Variants in ATP2B2 observed in about 807,000 individuals in gnomAD.
ATP2B2 encodes the protein ATPase plasma membrane Ca2+ transporting 2.
In ATP2B2, 15 loss-of-function variants were observed where a neutral mutation model predicts 120.0. The observed-to-expected ratio is 0.12, with a 90% confidence interval of 0.08 to 0.19. The LOEUF is 0.19. Ranked by LOEUF, ATP2B2 falls within the 10% of genes least tolerant of loss-of-function variation. ATP2B2 has a pLI of 1.00. For missense variants in ATP2B2, 1,045 were observed against 1,719.8 expected, an observed-to-expected ratio of 0.61 and a Z score of 6.94; for synonymous variants, 694 against 700.3, an observed-to-expected ratio of 0.99 and a Z score of 0.14.
At chr3:10,617,366 G>C (rs925595491) in intron 2 of ATP2B2, among the ~76,000 whole-genome samples, 2 of 151,708 alleles carry the variant, frequency 1.3e-5, no homozygotes, top group African/African-American at 4.8e-5. Context: ...AAAATAAAAA[G>C]AAACAAACAA....
intron 3 of ATP2B2, among the ~76,000 whole-genome samples, chr3:10,410,018 G>C (rs1447023678): frequency 6.6e-6 from 1 of 152,156 alleles, no homozygotes; most frequent in South Asian, 2.1e-4. Context: ...AAAGAACCAG[G>C]CTCTCTTAGG....
At chr3:10,484,986 C>T (rs886895827) in intron 1 of ATP2B2, among the ~76,000 whole-genome samples, 3 of 152,226 alleles carry the variant, frequency 2.0e-5, no homozygotes, top group African/African-American at 7.2e-5. Context: ...CAGTGCCTGG[C>T]ACTGACAGGC....
At chr3:10,698,166 G>A (rs755584468) in intron 1 of ATP2B2, among the ~76,000 whole-genome samples, 11 of 152,198 alleles carry the variant, frequency 7.2e-5, no homozygotes, top group Non-Finnish European at 5.9e-5. Flanking sequence ...GCATGGCCAC[G>A]TGACCCAATT....
chr3:10,536,737 A>G (rs561797648), intron 2 of ATP2B2, among the ~76,000 whole-genome samples: 11 of 152,232 alleles, frequency 7.2e-5, no homozygotes, highest in African/African-American at 2.6e-4. Flanking sequence ...TAAGTTGCCC[A>G]GGCTGGTCCT....
At chr3:10,380,144 C>T (rs2061492991) in intron 8 of ATP2B2, among the ~76,000 whole-genome samples, 2 of 152,352 alleles carry the variant, frequency 1.3e-5, no homozygotes, top group South Asian at 2.1e-4. Context: ...CCTGGTGCTG[C>T]ATCTGGCTGC....
At chr3:10,471,716 G>A (rs2065010906) in intron 1 of ATP2B2, among the ~76,000 whole-genome samples, 1 of 152,100 alleles carries the variant, frequency 6.6e-6, no homozygotes, top group Non-Finnish European at 1.5e-5. Context: ...GCCACATTGT[G>A]TGTGTCTGTA....
Position 10,676,524 on chromosome 3 carries a change from C to CCA in ATP2B2, c.-460+31389_-460+31390dup, listed in dbSNP as rs150121114. On this transcript the variant is annotated intron_variant, in intron 1 of 21. Transcript: ENST00000646379. ...GGATGGGGAGGGAGGAGGGACAGAA[C>CCA]CACACACACACACACACACACCCTT... Among the ~76,000 whole-genome samples, 677 of 149,192 alleles carry CCA rather than the reference C, an allele frequency of 4.5e-3. 4 individuals carry two copies. Among genetic ancestry groups the CCA allele is most frequent in the African/African-American group, 0.01 (424 of 40,678 alleles).
At chr3:10,410,856 G>A in intron 2 of ATP2B2, 41 bp from the exon 3 acceptor site, 1 of 1,596,386 alleles carries the variant, frequency 6.3e-7, no homozygotes, top group South Asian at 1.1e-5. Context: ...GGGCCTGGGA[G>A]AGATGCAGGC....
At position 10,544,414 on chromosome 3, in the gene ATP2B2, G is replaced by T. The variant is rs534595708; in HGVS notation, c.-414-10281C>A. On this transcript the variant is annotated intron_variant, in intron 2 of 21. Transcript: ENST00000646379. ...ATCAAACAGAGTTTAACAAATATTT[G>T]TGGGGAAGGTCATTAAAAATAGACT... 4.6e-5 allele frequency among the ~76,000 whole-genome samples: 7 copies of T among 152,316 alleles called. No homozygotes were observed. In the South Asian group the frequency reaches 1.4e-3, roughly 32 times the overall value.
chr3:10,646,774 A>T (rs1231501411), intron 1 of ATP2B2, among the ~76,000 whole-genome samples: 2 of 152,178 alleles, frequency 1.3e-5, no homozygotes, highest in African/African-American at 2.4e-5. Flanking sequence ...CCCATCAATC[A>T]TTGTGTGTTT....
chr3:10,532,805 G>C (rs1015758700), intron 3 of ATP2B2, among the ~76,000 whole-genome samples: 3 of 152,200 alleles, frequency 2.0e-5, no homozygotes, highest in African/African-American at 7.2e-5. Context: ...CCCTCCCTGA[G>C]TTGAGTCTGT....
chr3:10,542,563 G>A (rs571009427), intron 2 of ATP2B2, among the ~76,000 whole-genome samples: 7 of 152,124 alleles, frequency 4.6e-5, no homozygotes, highest in Admixed American at 4.6e-4. Flanking sequence ...TCCTTCATCT[G>A]AGAATGTCTT....
At chr3:10,458,219 C>G (rs80041632) in intron 1 of ATP2B2, among the ~76,000 whole-genome samples, 1 of 152,096 alleles carries the variant, frequency 6.6e-6, no homozygotes, top group Non-Finnish European at 1.5e-5. Context: ...GGCCCTGCCC[C>G]GGGCACTGGG....
rs538359788 is a variant in ATP2B2 at position 10,408,821 on chromosome 3, G to C, written c.397+1797C>G. Among the ~76,000 whole-genome samples the C allele has an allele frequency of 3.3e-5, 5 of 152,286 alleles. No individual in the cohort carries two copies. The South Asian group carries it at 1.0e-3, about 32-fold the overall frequency. ...CACCTGCTATCTGAGTTCTAATCTT[G>C]TACTGAATTGGGTTGCATGAGGCCA... On this transcript the variant is annotated intron_variant, in intron 3 of 22. Transcript: ENST00000360273.
Position 10,679,817 on chromosome 3 carries a change from GGTGCCT to G in ATP2B2, c.-460+28092_-460+28097del, listed in dbSNP as rs543336230. 5.0e-3 allele frequency among the ~76,000 whole-genome samples: 754 copies of G among 152,264 alleles called. 9 individuals are homozygous for G. Among genetic ancestry groups the G allele is most frequent in the African/African-American group, 0.016 (685 of 41,538 alleles). ...ATGGAAAGCTTAAAAACATACATCTGGTGCCTGTGAATGGTAAACCCAATGCAGGAT... is the reference window on the plus strand; with the variant it reads ...ATGGAAAGCTTAAAAACATACATCTGGTGAATGGTAAACCCAATGCAGGAT... On this transcript the variant is annotated intron_variant, in intron 1 of 21. Coordinates refer to the ATP2B2 transcript ENST00000646379.
At chr3:10,559,652 A>G (rs1457970369) in intron 2 of ATP2B2, among the ~76,000 whole-genome samples, 1 of 152,160 alleles carries the variant, frequency 6.6e-6, no homozygotes, top group Admixed American at 6.5e-5. Flanking sequence ...GTTTGCCTCC[A>G]AGCCCCCCGA....
chr3:10,517,964 G>T (rs2125449211), intron 3 of ATP2B2, among the ~76,000 whole-genome samples: 1 of 152,104 alleles, frequency 6.6e-6, no homozygotes, highest in East Asian at 1.9e-4. Context: ...AGCCTGTGCA[G>T]GTTGCAGGGA....
chr3:10,462,805 C>T (rs771625990), intron 1 of ATP2B2, among the ~76,000 whole-genome samples: 2 of 152,074 alleles, frequency 1.3e-5, no homozygotes, highest in East Asian at 1.9e-4. Context: ...AAAACATATT[C>T]GTGACTACAG....
chr3:10,606,050 C>T (rs1449187527), intron 2 of ATP2B2, among the ~76,000 whole-genome samples: 2 of 152,066 alleles, frequency 1.3e-5, no homozygotes, highest in African/African-American at 2.4e-5. Context: ...TCCAGAAGTT[C>T]AAGGCTGCAG....
Sources: allele counts gnomAD v4.1 joint callset (sites outside exome capture counted in the v4.1 genomes callset), GRCh38; gene constraint gnomAD v4.1.1; transcripts MANE v1.5; gene names NCBI Gene and HGNC (gene_info 2026-07-23, HGNC 2026-07-21).